PITPNC1: variants seen among roughly 807,000 people sequenced by gnomAD.
The protein encoded by PITPNC1 is phosphatidylinositol transfer protein cytoplasmic 1.
In PITPNC1, 18 loss-of-function variants were observed where a neutral mutation model predicts 44.7. The ratio of observed to expected loss-of-function variants is 0.40; its 90% CI spans 0.28 to 0.60. PITPNC1 has a LOEUF of 0.60. Among genes scored for constraint, PITPNC1 ranks in the 20% least tolerant of loss-of-function variants. The pLI is 0.39. For synonymous variants in PITPNC1, 141 were observed against 149.6 expected (o/e 0.94, Z 0.42); for missense variants, 290 against 418.4 (o/e 0.69, Z 2.68).
chr17:67,641,783 AAATAATAATAATAAT>A (rs151024440), intron 6 of PITPNC1, among the ~76,000 whole-genome samples: 58 of 135,918 alleles, frequency 4.3e-4, no homozygotes, highest in Non-Finnish European at 3.3e-4. Context: ...CCCTACCTCA[AAATAATAATAATAAT>A]AATAATAATA....
chr17:67,598,760 G>A lies in PITPNC1; in HGVS notation c.366+20503G>A, dbSNP rs1049915438. Among the ~76,000 whole-genome samples the A allele has an allele frequency of 4.0e-5, 6 of 151,872 alleles. No individual in the cohort carries two copies. In the South Asian group the frequency reaches 1.0e-3, roughly 26 times the overall value. ...ACAAAAAAATTAGCTGGGCATGGTG[G>A]TGGGCACCTGTAATCCCAGCTACTT... On this transcript the variant is annotated intron_variant, in intron 5 of 8. Transcript: ENST00000581322.
intron 1 of PITPNC1, among the ~76,000 whole-genome samples, chr17:67,414,877 C>A (rs934298622): frequency 6.6e-6 from 1 of 151,700 alleles, no homozygotes; most frequent in African/African-American, 2.4e-5. Context: ...CACATTCTCT[C>A]TTTTTTATTT....
intron 6 of PITPNC1, among the ~76,000 whole-genome samples, chr17:67,654,338 G>T (rs1202767484): frequency 6.6e-6 from 1 of 152,200 alleles, no homozygotes; most frequent in African/African-American, 2.4e-5. Context: ...CCTGCATGCT[G>T]TTGGGCAGTC....
chr17:67,667,704 G>A (rs1200934953), intron 6 of PITPNC1, among the ~76,000 whole-genome samples: 1 of 151,794 alleles, frequency 6.6e-6, no homozygotes, highest in East Asian at 1.9e-4. Context: ...GGGCACAGTG[G>A]TTCATGCTTG....
intron 6 of PITPNC1, among the ~76,000 whole-genome samples, chr17:67,639,553 G>A (rs1354683651): frequency 6.6e-6 from 1 of 152,194 alleles, no homozygotes; most frequent in Non-Finnish European, 1.5e-5. Flanking sequence ...AATAACATGA[G>A]GCTGTCCTAG....
intron 1 of PITPNC1, among the ~76,000 whole-genome samples, chr17:67,391,893 A>G (rs967588324): frequency 3.9e-5 from 6 of 152,216 alleles, no homozygotes; most frequent in Admixed American, 2.0e-4. Flanking sequence ...CAGAAATTTT[A>G]TCTCCCATCA....
At chr17:67,620,402 T>A (rs761964527) in intron 5 of PITPNC1, among the ~76,000 whole-genome samples, 72 of 152,262 alleles carry the variant, frequency 4.7e-4, no homozygotes, top group Admixed American at 3.1e-3. Context: ...GTAACTGAGC[T>A]GTCACTGAAA....
chr17:67,554,663 C>G (rs948295582), intron 4 of PITPNC1, among the ~76,000 whole-genome samples: 5 of 152,188 alleles, frequency 3.3e-5, no homozygotes, highest in African/African-American at 1.2e-4. Context: ...AATGATTTGT[C>G]ATGCCCTGGG....
At chr17:67,483,175 C>G (rs1271048216) in intron 1 of PITPNC1, among the ~76,000 whole-genome samples, 4 of 152,128 alleles carry the variant, frequency 2.6e-5, no homozygotes, top group African/African-American at 9.7e-5. Context: ...AGAAGAGCTG[C>G]AGAGATCATG....
At chr17:67,409,247 G>A (rs1233036274) in intron 1 of PITPNC1, among the ~76,000 whole-genome samples, 1 of 150,734 alleles carries the variant, frequency 6.6e-6, no homozygotes, top group African/African-American at 2.4e-5. Flanking sequence ...ACCGCGCCCG[G>A]CTAATTTTTT....
intron 1 of PITPNC1, among the ~76,000 whole-genome samples, chr17:67,497,770 T>C (rs1349991796): frequency 3.3e-5 from 5 of 151,482 alleles, no homozygotes; most frequent in Admixed American, 6.6e-5. Context: ...TCAAGCAGTC[T>C]GCCTGCCTCG....
intron 5 of PITPNC1, among the ~76,000 whole-genome samples, chr17:67,587,941 C>T (rs1382806476): frequency 6.6e-6 from 1 of 152,164 alleles, no homozygotes; most frequent in Non-Finnish European, 1.5e-5. Context: ...GGAATTTTAG[C>T]ATTTCAGGAG....
At chr17:67,396,763 T>G (rs915967269) in intron 1 of PITPNC1, among the ~76,000 whole-genome samples, 1 of 151,952 alleles carries the variant, frequency 6.6e-6, no homozygotes, top group Non-Finnish European at 1.5e-5. Context: ...CTCCCTGAGC[T>G]CAAGCCTCAG....
intron 1 of PITPNC1, among the ~76,000 whole-genome samples, chr17:67,460,157 C>T (rs911278881): frequency 1.3e-5 from 2 of 152,140 alleles, no homozygotes; most frequent in African/African-American, 4.8e-5. Context: ...AGGTATTCTG[C>T]ACCCAGAATT....
chr17:67,475,522 C>T (rs1003041069), intron 1 of PITPNC1, among the ~76,000 whole-genome samples: 7 of 152,172 alleles, frequency 4.6e-5, no homozygotes, highest in Non-Finnish European at 7.3e-5. Flanking sequence ...ATAGCGAACA[C>T]GACAGATTGA....
At chr17:67,613,822 CAA>C (rs34474722) in intron 5 of PITPNC1, 24 of 76,698 alleles carry the variant, frequency 3.1e-4, no homozygotes, top group Middle Eastern at 6.8e-3. Context: ...GACTCCGTCT[CAA>C]AAAAAAAAAA....
chr17:67,473,829 G>A (rs535623997), intron 1 of PITPNC1, among the ~76,000 whole-genome samples: 4 of 152,184 alleles, frequency 2.6e-5, no homozygotes, highest in Non-Finnish European at 4.4e-5. Context: ...ACATTCCTCA[G>A]TGGACCCTGC....
chr17:67,584,335 A>C (rs1161399899), intron 5 of PITPNC1, among the ~76,000 whole-genome samples: 1 of 152,160 alleles, frequency 6.6e-6, no homozygotes, highest in Non-Finnish European at 1.5e-5. Flanking sequence ...AATGAAGAGA[A>C]TGTCCAGTTT....
chr17:67,523,347 C>G (rs1220403863), intron 1 of PITPNC1, among the ~76,000 whole-genome samples: 1 of 152,200 alleles, frequency 6.6e-6, no homozygotes, highest in Admixed American at 6.5e-5. Context: ...TTCTCTTATA[C>G]TTTCTGGAAC....
Sources: allele counts gnomAD v4.1 joint callset (sites outside exome capture counted in the v4.1 genomes callset), GRCh38; gene constraint gnomAD v4.1.1; transcripts MANE v1.5; gene names NCBI Gene and HGNC (gene_info 2026-07-23, HGNC 2026-07-21).